Variants in NOMO2 observed in about 807,000 individuals in gnomAD.
The protein encoded by NOMO2 is NODAL modulator 2.
In NOMO2, 14 loss-of-function variants were observed where a neutral mutation model predicts 67.1. That is an observed-to-expected ratio of 0.21 (90% confidence interval 0.14 to 0.33). NOMO2 has a LOEUF of 0.33. Ranked by LOEUF, NOMO2 falls within the 10% of genes least tolerant of loss-of-function variation. The pLI, the probability that NOMO2 is intolerant of heterozygous loss-of-function variation, is 1.00. For missense variants in NOMO2, 178 were observed against 761.0 expected, an observed-to-expected ratio of 0.23 and a Z score of 9.01; for synonymous variants, 80 against 305.9, an observed-to-expected ratio of 0.26 and a Z score of 7.71.
intron 11 of NOMO2, among the ~76,000 whole-genome samples, chr16:18,535,041 T>C (rs1254559224): frequency 1.1e-5 from 1 of 93,568 alleles, no homozygotes; most frequent in Non-Finnish European, 2.3e-5. Context: ...TTTTTTATTT[T>C]ACTTTAAAGG....
chr16:18,529,053 C>A (rs1901230366), intron 15 of NOMO2, among the ~76,000 whole-genome samples: 1 of 95,502 alleles, frequency 1.0e-5, no homozygotes, highest in African/African-American at 3.7e-5. Context: ...CAGAGAAACT[C>A]ACTTGGCAGT....
intron 11 of NOMO2, among the ~76,000 whole-genome samples, chr16:18,535,796 A>G (rs529322235): frequency 1.4e-4 from 21 of 151,890 alleles, no homozygotes; most frequent in Admixed American, 2.0e-4. Flanking sequence ...TTGCCAACTG[A>G]TAACTCTTTT....
At chr16:18,526,457 T>C (rs1230255936) in intron 16 of NOMO2, among the ~76,000 whole-genome samples, 2 of 151,864 alleles carry the variant, frequency 1.3e-5, no homozygotes, top group African/African-American at 4.8e-5. Flanking sequence ...ACACAAAGAC[T>C]TGTACAAGAA....
At chr16:18,536,574 C>T (rs1329829905) in intron 11 of NOMO2, among the ~76,000 whole-genome samples, 3 of 151,992 alleles carry the variant, frequency 2.0e-5, no homozygotes, top group Non-Finnish European at 4.4e-5. Flanking sequence ...TGGTCTCAAA[C>T]TCCTGGGCTC....
At chr16:18,539,045 C>T in intron 9 of NOMO2, 81 bp from the exon 10 acceptor site, 1 of 749,224 alleles carries the variant, frequency 1.3e-6, no homozygotes, top group Non-Finnish European at 2.4e-6. Context: ...CTGCGCCGGC[C>T]ACCACCTACC....
At chr16:18,559,319 T>G (rs2141762792) in intron 1 of NOMO2, among the ~76,000 whole-genome samples, 1 of 151,956 alleles carries the variant, frequency 6.6e-6, no homozygotes, top group South Asian at 2.1e-4. Context: ...TCAACCACTC[T>G]GAGGCTCAGT....
intron 13 of NOMO2, 136 bp from the exon 14 acceptor site, chr16:18,531,304 T>C: frequency 1.8e-6 from 2 of 1,116,248 alleles, no homozygotes; most frequent in African/African-American, 1.5e-5. Context: ...GACGGAGTGC[T>C]TCTTTCAAGC....
intron 12 of NOMO2, 29 bp from the exon 13 acceptor site, chr16:18,531,636 G>T (rs764858607): frequency 2.5e-6 from 4 of 1,611,714 alleles, no homozygotes; most frequent in Non-Finnish European, 3.4e-6. Context: ...AACGTTAGAG[G>T]CTGCATTCGG....
At chr16:18,514,135 T>G in intron 25 of NOMO2, among the ~76,000 whole-genome samples, 1 of 4,588 alleles carries the variant, frequency 2.2e-4, no homozygotes, top group Admixed American at 2.2e-3. Context: ...GTTTTCCAAC[T>G]CCATTGTGCC....
chr16:18,560,158 A>G (rs1214338322), intron 1 of NOMO2, among the ~76,000 whole-genome samples: 4,110 of 150,562 alleles, frequency 0.027, no homozygotes, highest in African/African-American at 0.037. Flanking sequence ...ATAAAGTACA[A>G]TCAGGACACA....
chr16:18,536,868 T>C (rs1219882641), intron 11 of NOMO2, among the ~76,000 whole-genome samples: 1 of 152,068 alleles, frequency 6.6e-6, no homozygotes, highest in African/African-American at 2.4e-5. Context: ...ACTGGACTCC[T>C]TGACCTCGAC....
chr16:18,544,962 TAAC>T (rs1901632647), intron 6 of NOMO2, among the ~76,000 whole-genome samples: 1 of 150,470 alleles, frequency 6.6e-6, no homozygotes, highest in South Asian at 2.1e-4. Flanking sequence ...TCCTGACTTC[TAAC>T]AACATGCTTT....
intron 2 of NOMO2, among the ~76,000 whole-genome samples, chr16:18,555,328 A>G (rs1264643620): frequency 2.0e-5 from 3 of 150,424 alleles, no homozygotes; most frequent in African/African-American, 7.3e-5. Flanking sequence ...CCAGGAGTTC[A>G]AGACCAGCCT....
chr16:18,533,040 A>G lies in NOMO2; in HGVS notation c.1360T>C (p.Cys454Arg), dbSNP rs1901338587. The G allele has an allele frequency of 6.2e-7, 1 of 1,608,046 alleles. No individual in the cohort carries two copies. Among genetic ancestry groups the G allele is most frequent in the South Asian group, 1.1e-5 (1 of 90,542 alleles). Reference sequence around the variant, plus strand: ...TAAGTCCCTGGTTTTGCTTTAAAACAAAATGATCCATGAGCATCTGTCTCC... The same window carrying G: ...TAAGTCCCTGGTTTTGCTTTAAAACGAAATGATCCATGAGCATCTGTCTCC... Reference protein sequence around the residue: ...TVETDAHGSFCFKAKPGTYKV... With the variant: ...TVETDAHGSFRFKAKPGTYKV... The change falls in exon 12 of 31, where the codon TGT becomes CGT. Residue 454 changes from cysteine to arginine, a missense_variant. Transcript: ENST00000622306.
intron 14 of NOMO2, 124 bp from the exon 15 acceptor site, chr16:18,529,761 G>C (rs1901252952): frequency 6.0e-6 from 4 of 661,932 alleles, no homozygotes; most frequent in Non-Finnish European, 1.0e-5. Context: ...TAGACATAAA[G>C]ATAGAAATAT....
At chr16:18,557,183 A>G (rs1393883499) in intron 2 of NOMO2, among the ~76,000 whole-genome samples, 1 of 152,110 alleles carries the variant, frequency 6.6e-6, no homozygotes, top group Non-Finnish European at 1.5e-5. Context: ...AGAGGTTATC[A>G]CTACAGAGGG....
At chr16:18,561,177 A>AG (rs1902031693) in intron 1 of NOMO2, among the ~76,000 whole-genome samples, 1 of 113,114 alleles carries the variant, frequency 8.8e-6, no homozygotes, top group African/African-American at 3.4e-5. Flanking sequence ...CTTAATTAAA[A>AG]AAAAAAAAAA....
At chr16:18,550,516 A>C (rs1901759321) in intron 4 of NOMO2, among the ~76,000 whole-genome samples, 1 of 151,730 alleles carries the variant, frequency 6.6e-6, no homozygotes, top group South Asian at 2.1e-4. Flanking sequence ...GTCACCGCAA[A>C]GGTAGAGGAG....
intron 2 of NOMO2, among the ~76,000 whole-genome samples, chr16:18,555,541 A>G (rs1901884100): frequency 6.6e-6 from 1 of 150,966 alleles, no homozygotes; most frequent in Non-Finnish European, 1.5e-5. Context: ...TCTCTAAACA[A>G]TACATTAACT....
Sources: allele counts gnomAD v4.1 joint callset (sites outside exome capture counted in the v4.1 genomes callset), GRCh38; gene constraint gnomAD v4.1.1; transcripts MANE v1.5; gene names NCBI Gene and HGNC (gene_info 2026-07-23, HGNC 2026-07-21).